Variants in TMEM161B observed in about 807,000 individuals in gnomAD.
The protein encoded by TMEM161B is transmembrane protein 161B.
A neutral mutation model predicts 61.8 loss-of-function variants in TMEM161B; 34 were observed. That is an observed-to-expected ratio of 0.55 (90% CI 0.42 to 0.73). TMEM161B has a LOEUF of 0.73. TMEM161B is among the 30% of genes least tolerant of loss of function. The probability of loss-of-function intolerance (pLI) is 0.00; values close to 1 mark genes in which losing one functional copy is unlikely to be tolerated. For synonymous variants in TMEM161B, 167 were observed against 192.8 expected (o/e 0.87, Z 1.11); for missense variants, 456 against 558.5 (o/e 0.82, Z 1.85).
chr5:88,197,809 T>C, intron 10 of TMEM161B, 44 bp from the exon 11 acceptor site: 1 of 1,516,922 alleles, frequency 6.6e-7, no homozygotes, highest in Non-Finnish European at 9.1e-7. Flanking sequence ...AACTGACATG[T>C]TAGGAGTGAA....
At chr5:88,241,059 T>C (rs2112657589) in intron 1 of TMEM161B, 143 bp from the exon 2 acceptor site, 1 of 488,532 alleles carries the variant, frequency 2.0e-6, no homozygotes, top group East Asian at 3.4e-5. Context: ...GCCCTCCATA[T>C]CTGCAGGCTC....
chr5:88,208,568 G>A (rs1332876825), intron 5 of TMEM161B, among the ~76,000 whole-genome samples: 1 of 152,180 alleles, frequency 6.6e-6, no homozygotes, highest in African/African-American at 2.4e-5. Flanking sequence ...CTTGAACCTG[G>A]GAGGCGGAGG....
At chr5:88,207,734 C>CT (rs1485827699) in intron 5 of TMEM161B, among the ~76,000 whole-genome samples, 1 of 152,148 alleles carries the variant, frequency 6.6e-6, no homozygotes, top group East Asian at 1.9e-4. Flanking sequence ...AAGAGATTAT[C>CT]TTATCTGAAC....
chr5:88,203,527 G>A (rs907088699), intron 8 of TMEM161B, among the ~76,000 whole-genome samples: 1 of 151,604 alleles, frequency 6.6e-6, no homozygotes, highest in Non-Finnish European at 1.5e-5. Context: ...GAAACAAAGT[G>A]TCTCCTCATT....
In TMEM161B at chr5:88,224,957, A is replaced by AT. The variant is rs1749714087; in HGVS notation, c.289+811dup. On this transcript the variant is annotated intron_variant, in intron 4 of 11. Transcript: ENST00000296595. Reference sequence around the variant, plus strand: ...ATATAATACACATAACACACAAAATATGTTTTTGTTTTTTTTTTTTTTTTT... The same window carrying AT: ...ATATAATACACATAACACACAAAATATTGTTTTTGTTTTTTTTTTTTTTTTT... Among the ~76,000 whole-genome samples, 12 of 128,820 alleles carry AT rather than the reference A, an allele frequency of 9.3e-5. 2 individuals are homozygous for AT. Among genetic ancestry groups the AT allele is most frequent in the Admixed American group, 2.5e-4 (3 of 11,972 alleles). 84.5% of individuals were successfully genotyped at this position (128,820 alleles called of 152,430 possible). A position where few individuals can be genotyped will look rare whatever the true frequency, so the allele number is the denominator to read the frequency against.
intron 6 of TMEM161B, 22 bp from the exon 7 acceptor site, chr5:88,206,521 A>G: frequency 6.5e-7 from 1 of 1,535,654 alleles, no homozygotes; most frequent in South Asian, 1.2e-5. Context: ...AAAAAAAAAA[A>G]CAACAGATTA....
chr5:88,214,452 GA>G (rs199912065), intron 5 of TMEM161B, among the ~76,000 whole-genome samples: 85 of 141,644 alleles, frequency 6.0e-4, no homozygotes, highest in African/African-American at 9.5e-4. Flanking sequence ...AGATTCTTGG[GA>G]AAAAAAAAAA....
At chr5:88,255,451 C>T (rs76306625) in intron 1 of TMEM161B, among the ~76,000 whole-genome samples, 4,952 of 152,246 alleles carry the variant, frequency 0.033, 317 homozygotes, top group East Asian at 0.16. Flanking sequence ...GGTAGAAAAG[C>T]AGCTAAAGAA....
intron 9 of TMEM161B, chr5:88,202,699 C>T (rs915472516): frequency 8.6e-5 from 34 of 394,868 alleles, no homozygotes; most frequent in Non-Finnish European, 1.2e-4. Flanking sequence ...AAAATGATGA[C>T]GACTGGACAT....
At position 88,235,301 on chromosome 5, in the gene TMEM161B, T is replaced by C. The variant is rs1354249999; in HGVS notation, c.107+5512A>G. Among the ~76,000 whole-genome samples the C allele has an allele frequency of 2.3e-4, 35 of 152,352 alleles. 1 individual carries two copies. Among genetic ancestry groups the C allele is most frequent in the Admixed American group, 2.3e-3 (35 of 15,302 alleles). Reference sequence around the variant, plus strand: ...CAAACACAGAAAAGCACAGTTTTAATAGCACAAGCTAAATAAGCTTTAATA... The same window carrying C: ...CAAACACAGAAAAGCACAGTTTTAACAGCACAAGCTAAATAAGCTTTAATA... On this transcript the variant is annotated intron_variant, in intron 2 of 11. Coordinates refer to ENST00000296595, the MANE Select transcript of TMEM161B (RefSeq NM_153354.5).
At chr5:88,224,755 A>G (rs1175820658) in intron 4 of TMEM161B, among the ~76,000 whole-genome samples, 1 of 152,166 alleles carries the variant, frequency 6.6e-6, no homozygotes, top group African/African-American at 2.4e-5. Flanking sequence ...ACCCCTGACC[A>G]GCAAGACCAA....
chr5:88,225,112 C>T (rs1361895649), intron 4 of TMEM161B, among the ~76,000 whole-genome samples: 5 of 151,800 alleles, frequency 3.3e-5, no homozygotes, highest in South Asian at 2.1e-4. Context: ...GGACTACAGG[C>T]GCCTGCCACC....
chr5:88,232,995 T>C (rs1181459515), intron 2 of TMEM161B, among the ~76,000 whole-genome samples: 1 of 152,216 alleles, frequency 6.6e-6, no homozygotes, highest in African/African-American at 2.4e-5. Flanking sequence ...TTATCTTTAT[T>C]AGTGAGAATT....
At chr5:88,192,069 CAAA>C (rs5869419), downstream of TMEM161B, among the ~76,000 whole-genome samples, 1 of 90,636 alleles carries the variant, frequency 1.1e-5, no homozygotes, top group Non-Finnish European at 2.0e-5. Context: ...TTTAAAGATG[CAAA>C]AAAAAAAAAA....
chr5:88,224,955 A>T (rs1372527947), intron 4 of TMEM161B, among the ~76,000 whole-genome samples: 3 of 148,274 alleles, frequency 2.0e-5, no homozygotes, highest in Non-Finnish European at 4.5e-5. Flanking sequence ...AACACACAAA[A>T]TATGTTTTTG....
At chr5:88,213,363 AG>A (rs1747203530) in intron 5 of TMEM161B, among the ~76,000 whole-genome samples, 2 of 152,108 alleles carry the variant, frequency 1.3e-5, no homozygotes, top group Non-Finnish European at 2.9e-5. Flanking sequence ...ATACTTTCTT[AG>A]ATATGCAGTT....
At chr5:88,203,310 A>C (rs544570559) in intron 8 of TMEM161B, among the ~76,000 whole-genome samples, 1 of 152,278 alleles carries the variant, frequency 6.6e-6, no homozygotes, top group African/African-American at 2.4e-5. Context: ...GATACAGAAA[A>C]GTTAAATGAC....
chr5:88,213,017 T>C (rs1351963981), intron 5 of TMEM161B, among the ~76,000 whole-genome samples: 1 of 152,218 alleles, frequency 6.6e-6, no homozygotes, highest in African/African-American at 2.4e-5. Flanking sequence ...ACTGAGTTTT[T>C]CTATTCTGTG....
Position 88,235,508 on chromosome 5 carries a change from A to G in TMEM161B, c.107+5305T>C, listed in dbSNP as rs371820907. Among the ~76,000 whole-genome samples the G allele has an allele frequency of 6.8e-4, 104 of 152,162 alleles. 1 individual carries two copies. The highest frequency in any genetic ancestry group is 2.5e-3 in the African/African-American group (102 of 41,512). On this transcript the variant is annotated intron_variant, in intron 2 of 11. Coordinates refer to ENST00000296595, the MANE Select transcript of TMEM161B (RefSeq NM_153354.5). The stretch of plus-strand genomic sequence containing the variant: ...TGAGAGTGGAGCCCTCATTAATAGG[A>G]TTATTGCCCTTTTAAAAGGAGGTCA...
Sources: gnomAD v4.1 joint callset for allele counts (sites outside exome capture counted in the v4.1 genomes callset) on GRCh38, gnomAD v4.1.1 for gene constraint, MANE v1.5 for transcripts, NCBI Gene and HGNC (gene_info 2026-07-23, HGNC 2026-07-21) for gene names.